The following CDH13 variants were observed in gnomAD, a reference collection of about 807,000 sequenced individuals.
CDH13 encodes cadherin 13.
In CDH13, 24 loss-of-function variants were observed where a neutral mutation model predicts 63.8. The ratio of observed to expected loss-of-function variants is 0.38; its 90% CI spans 0.27 to 0.53. CDH13 has a LOEUF of 0.53. Ranked by LOEUF, CDH13 falls within the 20% of genes least tolerant of loss-of-function variation. CDH13 has a pLI of 0.85. For synonymous variants in CDH13, 503 were observed against 355.3 expected (o/e 1.42, Z -4.67); for missense variants, 1,049 against 903.1 (o/e 1.16, Z -2.07).
chr16:83,626,010 TC>T (rs1386062260), intron 8 of CDH13, among the ~76,000 whole-genome samples: 1 of 143,598 alleles, frequency 7.0e-6, no homozygotes, highest in Non-Finnish European at 1.5e-5. Flanking sequence ...CAAGCTTGCT[TC>T]TTTTTTTTTT....
At chr16:82,762,682 G>A (rs966338721) in intron 1 of CDH13, among the ~76,000 whole-genome samples, 24 of 152,160 alleles carry the variant, frequency 1.6e-4, no homozygotes, top group African/African-American at 5.8e-4. Flanking sequence ...GGGCGTACTG[G>A]ACTTCCTGGA....
chr16:82,815,840 C>T lies in CDH13; in HGVS notation c.46-42522C>T, dbSNP rs76960841. 1.0e-3 allele frequency among the ~76,000 whole-genome samples: 156 copies of T among 152,224 alleles called. No homozygotes were observed. The East Asian group carries it at 0.015, about 15-fold the overall frequency. Reference sequence around the variant, plus strand: ...AATGCATTATATTCCAGATAGTTCACGGATGCTTTTAATTTAATTATAGGC... The same window carrying T: ...AATGCATTATATTCCAGATAGTTCATGGATGCTTTTAATTTAATTATAGGC... On this transcript the variant is annotated intron_variant, in intron 1 of 13. Coordinates refer to ENST00000567109, the MANE Select transcript of CDH13 (RefSeq NM_001257.5).
At chr16:82,861,610 T>C (rs1342996353) in intron 2 of CDH13, among the ~76,000 whole-genome samples, 2 of 152,248 alleles carry the variant, frequency 1.3e-5, no homozygotes, top group Non-Finnish European at 2.9e-5. Context: ...CTTTTTCTAC[T>C]TTAACTGTTA....
At chr16:82,690,629 C>A (rs1026573191) in intron 1 of CDH13, among the ~76,000 whole-genome samples, 2 of 152,174 alleles carry the variant, frequency 1.3e-5, no homozygotes, top group African/African-American at 4.8e-5. Context: ...TGCCCAAAGC[C>A]TTTCATATAG....
chr16:83,082,539 AG>A (rs2033322571), intron 3 of CDH13, among the ~76,000 whole-genome samples: 1 of 152,168 alleles, frequency 6.6e-6, no homozygotes, highest in Middle Eastern at 3.2e-3. Context: ...AGGCTGAGGC[AG>A]GAGAATAGGA....
At chr16:83,565,796 T>A (rs1019911392) in intron 7 of CDH13, among the ~76,000 whole-genome samples, 2 of 152,232 alleles carry the variant, frequency 1.3e-5, no homozygotes, top group Non-Finnish European at 2.9e-5. Context: ...TATTCTTTTC[T>A]GGCTTCTGAC....
At chr16:83,578,609 C>G (rs562335856) in intron 7 of CDH13, among the ~76,000 whole-genome samples, 1 of 152,164 alleles carries the variant, frequency 6.6e-6, no homozygotes, top group African/African-American at 2.4e-5. Flanking sequence ...CAGGCATTGA[C>G]TCCACTGATG....
At chr16:83,424,967 T>C (rs942906479) in intron 6 of CDH13, among the ~76,000 whole-genome samples, 1 of 152,218 alleles carries the variant, frequency 6.6e-6, no homozygotes, top group Non-Finnish European at 1.5e-5. Flanking sequence ...TTTAACCTTT[T>C]GCTGCAACAA....
At chr16:83,184,908 C>CGT (rs71854021) in intron 4 of CDH13, among the ~76,000 whole-genome samples, 7 of 133,930 alleles carry the variant, frequency 5.2e-5, no homozygotes, top group Non-Finnish European at 9.7e-5. Flanking sequence ...TGTGTGTGTG[C>CGT]GTGTGTGTGT....
intron 5 of CDH13, among the ~76,000 whole-genome samples, chr16:83,315,641 T>G (rs1027168561): frequency 6.8e-6 from 1 of 147,292 alleles, no homozygotes; most frequent in Non-Finnish European, 1.5e-5. Flanking sequence ...ACTCTGGATT[T>G]AAAAAAAAAA....
At chr16:83,021,051 G>C (rs910942798) in intron 2 of CDH13, among the ~76,000 whole-genome samples, 1 of 152,164 alleles carries the variant, frequency 6.6e-6, no homozygotes, top group Admixed American at 6.5e-5. Flanking sequence ...AGAGACGTGT[G>C]CCAGTCATGA....
intron 6 of CDH13, among the ~76,000 whole-genome samples, chr16:83,395,096 C>T (rs952057728): frequency 2.8e-5 from 4 of 145,096 alleles, no homozygotes; most frequent in South Asian, 2.2e-4. Context: ...TGCAGTGAGC[C>T]AAGATCGTGC....
chr16:83,108,592 G>T (rs1033087402), intron 3 of CDH13, among the ~76,000 whole-genome samples: 1 of 152,122 alleles, frequency 6.6e-6, no homozygotes, highest in Non-Finnish European at 1.5e-5. Context: ...TGCACAGGTG[G>T]GCATTATATA....
At chr16:82,655,856 G>A (rs1392372929) in intron 1 of CDH13, among the ~76,000 whole-genome samples, 1 of 152,162 alleles carries the variant, frequency 6.6e-6, no homozygotes, top group African/African-American at 2.4e-5. Flanking sequence ...AGGAAGCAAT[G>A]CCTTCGGGTC....
chr16:83,773,560 C>A (rs1352635872), intron 11 of CDH13, among the ~76,000 whole-genome samples: 1 of 152,154 alleles, frequency 6.6e-6, no homozygotes, highest in African/African-American at 2.4e-5. Context: ...GGGGAAACCA[C>A]CCCCATGATC....
chr16:83,755,436 C>A (rs959136625), intron 11 of CDH13, among the ~76,000 whole-genome samples: 17 of 151,992 alleles, frequency 1.1e-4, no homozygotes, highest in African/African-American at 4.1e-4. Context: ...AGACATTCTC[C>A]CTATTAAATC....
At chr16:82,797,839 C>G (rs1487447623) in intron 1 of CDH13, among the ~76,000 whole-genome samples, 3 of 150,818 alleles carry the variant, frequency 2.0e-5, no homozygotes, top group Admixed American at 6.6e-5. Context: ...ACTTTTCCCC[C>G]TGTAATAGGA....
chr16:83,682,239 T>G (rs1364913151), intron 10 of CDH13, among the ~76,000 whole-genome samples: 1 of 152,022 alleles, frequency 6.6e-6, no homozygotes, highest in African/African-American at 2.4e-5. Context: ...CTCACAACAA[T>G]GAGGCAGCAA....
chr16:83,035,331 G>T lies in CDH13; in HGVS notation c.366+3113G>T, dbSNP rs537788096. On this transcript the variant is annotated intron_variant, in intron 3 of 13. Coordinates refer to ENST00000567109, the MANE Select transcript of CDH13 (RefSeq NM_001257.5). ...TTGGGTACCAGGCGGGGAGCTAACA[G>T]TGATGGATGATCTCTGCATTTGGAG... 2.0e-5 allele frequency among the ~76,000 whole-genome samples: 3 copies of T among 152,252 alleles called. No homozygotes were observed. In the South Asian group the frequency reaches 6.2e-4, roughly 32 times the overall value.
Sources: gnomAD v4.1 joint callset for allele counts (sites outside exome capture counted in the v4.1 genomes callset) on GRCh38, gnomAD v4.1.1 for gene constraint, MANE v1.5 for transcripts, NCBI Gene and HGNC (gene_info 2026-07-23, HGNC 2026-07-21) for gene names.